WASF3: variants seen among roughly 807,000 people sequenced by gnomAD.
The protein encoded by WASF3 is WASP family member 3, also known as actin-binding protein WASF3.
Under a neutral mutation model 46.6 loss-of-function variants are expected in WASF3, and 11 were observed. That is an observed-to-expected ratio of 0.24 (90% CI 0.15 to 0.39). The LOEUF (loss-of-function observed/expected upper bound fraction) is 0.39, where lower values mean the gene tolerates loss of function less well. Ranked by LOEUF, WASF3 falls within the 10% of genes least tolerant of loss-of-function variation. The pLI, the probability that WASF3 is intolerant of heterozygous loss-of-function variation, is 1.00. For synonymous variants in WASF3, 242 were observed against 259.7 expected, an observed-to-expected ratio of 0.93 and a Z score of 0.65; for missense variants, 576 against 669.8, an observed-to-expected ratio of 0.86 and a Z score of 1.55.
intron 5 of WASF3, among the ~76,000 whole-genome samples, chr13:26,668,700 ACAC>A (rs1371289695): frequency 6.6e-6 from 1 of 152,244 alleles, no homozygotes; most frequent in African/African-American, 2.4e-5. Context: ...AGTTCAAACT[ACAC>A]CACTTTCTTT....
intron 1 of WASF3, among the ~76,000 whole-genome samples, chr13:26,558,840 G>T (rs1879190262): frequency 6.6e-6 from 1 of 152,156 alleles, no homozygotes; most frequent in Non-Finnish European, 1.5e-5. Context: ...GGTATTTTAA[G>T]ATTCAGAGTC....
At chr13:26,656,168 A>G (rs1001611047) in intron 3 of WASF3, among the ~76,000 whole-genome samples, 8 of 152,222 alleles carry the variant, frequency 5.3e-5, no homozygotes, top group Non-Finnish European at 1.2e-4. Flanking sequence ...ATCCACGTAC[A>G]GTTTTTATGC....
chr13:26,614,001 T>C (rs912075034), intron 2 of WASF3, among the ~76,000 whole-genome samples: 1 of 152,230 alleles, frequency 6.6e-6, no homozygotes, highest in Non-Finnish European at 1.5e-5. Flanking sequence ...CAGAATACTA[T>C]CATCTGTCTT....
intron 8 of WASF3, among the ~76,000 whole-genome samples, chr13:26,681,767 A>G (rs531982130): frequency 6.6e-6 from 1 of 152,120 alleles, no homozygotes; most frequent in South Asian, 2.1e-4. Context: ...ACCTCTGACC[A>G]CCCAGACATC....
chr13:26,542,476 T>C, the WASF3 span, among the ~76,000 whole-genome samples: 2,730 of 152,334 alleles, frequency 0.018, 41 homozygotes, highest in Non-Finnish European at 0.029. Flanking sequence ...TAGAGTTTTG[T>C]TTTATATTTA....
chr13:26,606,278 C>T (rs1298281981), intron 1 of WASF3, among the ~76,000 whole-genome samples: 1 of 151,904 alleles, frequency 6.6e-6, no homozygotes, highest in African/African-American at 2.4e-5. Context: ...AGTTCTCCAT[C>T]TGGAGCTGTT....
intron 2 of WASF3, among the ~76,000 whole-genome samples, chr13:26,617,810 G>A (rs1881180104): frequency 6.6e-6 from 1 of 152,144 alleles, no homozygotes; most frequent in Non-Finnish European, 1.5e-5. Flanking sequence ...GAGACCAGGT[G>A]GAGGTAATTG....
At chr13:26,634,621 G>A (rs1308068748) in intron 2 of WASF3, among the ~76,000 whole-genome samples, 2 of 152,182 alleles carry the variant, frequency 1.3e-5, no homozygotes, top group African/African-American at 2.4e-5. Flanking sequence ...GCAGTGGCTG[G>A]TACCGGTTGT....
At chr13:26,662,989 G>A (rs1464558818) in intron 3 of WASF3, among the ~76,000 whole-genome samples, 4 of 152,140 alleles carry the variant, frequency 2.6e-5, no homozygotes, top group African/African-American at 4.8e-5. Flanking sequence ...AGATCATTTG[G>A]CAGCAGTGTG....
chr13:26,577,183 T>C (rs1160999445), intron 1 of WASF3: 1 of 752,184 alleles, frequency 1.3e-6, no homozygotes, highest in Non-Finnish European at 2.4e-6. Context: ...CCTAACTTCC[T>C]TGGCATGGAT....
intron 1 of WASF3, chr13:26,577,138 A>C: frequency 1.3e-6 from 1 of 775,536 alleles, no homozygotes; most frequent in Non-Finnish European, 2.3e-6. Context: ...TAGAAAATTC[A>C]AGCTGATTAC....
intron 2 of WASF3, among the ~76,000 whole-genome samples, chr13:26,632,315 A>G (rs537608272): frequency 6.6e-6 from 1 of 152,286 alleles, no homozygotes; most frequent in Admixed American, 6.5e-5. Flanking sequence ...GGTTTGTCAT[A>G]AATAGCTCTT....
intron 1 of WASF3, among the ~76,000 whole-genome samples, chr13:26,597,829 TG>T (rs1282685095): frequency 6.6e-6 from 1 of 152,204 alleles, no homozygotes; most frequent in African/African-American, 2.4e-5. Context: ...TATTCCATGG[TG>T]TATATGTGCC....
At chr13:26,589,296 C>G (rs1272139439) in intron 1 of WASF3, among the ~76,000 whole-genome samples, 1 of 152,182 alleles carries the variant, frequency 6.6e-6, no homozygotes, top group Non-Finnish European at 1.5e-5. Flanking sequence ...AATGGTTCCT[C>G]TCAGAACTGG....
intron 3 of WASF3, among the ~76,000 whole-genome samples, chr13:26,654,869 G>GA (rs988730741): frequency 6.6e-6 from 1 of 151,868 alleles, no homozygotes; most frequent in African/African-American, 2.4e-5. Context: ...TTTTATAGGA[G>GA]AAAAAATAGG....
intron 1 of WASF3, among the ~76,000 whole-genome samples, chr13:26,588,964 T>TC (rs1441450059): frequency 2.0e-5 from 3 of 148,366 alleles, no homozygotes; most frequent in Non-Finnish European, 4.5e-5. Context: ...CACCCAGCTA[T>TC]TTTTTTTTTG....
At chr13:26,541,295 G>A in the WASF3 span, among the ~76,000 whole-genome samples, 2 of 152,122 alleles carry the variant, frequency 1.3e-5, no homozygotes, top group African/African-American at 4.8e-5. Flanking sequence ...AGGGAAAGGC[G>A]GAACTTAAGA....
At chr13:26,623,150 A>C (rs1881359308) in intron 2 of WASF3, among the ~76,000 whole-genome samples, 1 of 152,196 alleles carries the variant, frequency 6.6e-6, no homozygotes, top group South Asian at 2.1e-4. Context: ...GCATCAGTTT[A>C]GGATAACCAG....
chr13:26,635,174 CTTTG>C (rs1489079191), intron 2 of WASF3, among the ~76,000 whole-genome samples: 5 of 152,134 alleles, frequency 3.3e-5, no homozygotes, highest in Admixed American at 1.3e-4. Context: ...TTCTTGGAGG[CTTTG>C]TTTGTTTCTT....
Sources: allele counts gnomAD v4.1 joint callset (sites outside exome capture counted in the v4.1 genomes callset), GRCh38; gene constraint gnomAD v4.1.1; transcripts MANE v1.5; gene names NCBI Gene and HGNC (gene_info 2026-07-23, HGNC 2026-07-21).